The following BEND4 variants were observed in gnomAD, a reference collection of about 807,000 sequenced individuals.
The protein encoded by BEND4 is BEN domain-containing protein 4.
In BEND4, 27 loss-of-function variants were observed where a neutral mutation model predicts 54.7. The ratio of observed to expected loss-of-function variants is 0.49; its 90% CI spans 0.36 to 0.68. The LOEUF (loss-of-function observed/expected upper bound fraction) is 0.68, where lower values mean the gene tolerates loss of function less well. BEND4 is among the 30% of genes least tolerant of loss of function. BEND4 has a pLI of 0.00. For missense variants in BEND4, 702 were observed against 697.2 expected, an observed-to-expected ratio of 1.01 and a Z score of -0.08; for synonymous variants, 327 against 299.5, an observed-to-expected ratio of 1.09 and a Z score of -0.95.
rs1295817757 is a variant in BEND4, at chr4:42,117,719, A to G, written c.1404T>C (p.His468=). 2 of 1,602,004 alleles carry G rather than the reference A, an allele frequency of 1.2e-6. No homozygotes were observed. The highest frequency in any genetic ancestry group is 1.3e-5 in the African/African-American group (1 of 74,708). Residue 468 remains histidine, a synonymous_variant, in exon 6 of 6, where the codon CAT becomes CAC. Transcript: ENST00000502486. ...VTCLREFIRM[H]CTSNPDWWMP... ...TCCACCAATCGGGGTTGGAGGTACA[A>G]TGCATCCTAATGAATTCTGCAGGAA...
intron 3 of BEND4, among the ~76,000 whole-genome samples, chr4:42,127,098 G>T (rs1347737986): frequency 6.6e-6 from 1 of 151,928 alleles, no homozygotes; most frequent in African/African-American, 2.4e-5. Context: ...TAGCAAACAG[G>T]AATTATCATT....
chr4:42,122,786 A>G (rs1370893093), intron 4 of BEND4, among the ~76,000 whole-genome samples: 1 of 152,230 alleles, frequency 6.6e-6, no homozygotes, highest in East Asian at 1.9e-4. Context: ...GAGTGAGCTT[A>G]CCTGGTAAGC....
At chr4:42,124,007 G>A (rs1445455352) in intron 4 of BEND4, among the ~76,000 whole-genome samples, 4 of 152,182 alleles carry the variant, frequency 2.6e-5, no homozygotes, top group Non-Finnish European at 5.9e-5. Context: ...TGAAGCCACA[G>A]GGACTGATGC....
intron 4 of BEND4, 133 bp from the exon 5 acceptor site, chr4:42,120,427 C>T (rs1340661537): frequency 2.5e-5 from 28 of 1,123,704 alleles, no homozygotes; most frequent in Non-Finnish European, 3.3e-5. Context: ...TATTGAAGTG[C>T]GCAAATAATT....
rs77675895 is a variant in BEND4, at chr4:42,123,828, G to A, written c.1146+1755C>T. On this transcript the variant is annotated intron_variant, in intron 4 of 5. Coordinates refer to ENST00000502486, the MANE Select transcript of BEND4 (RefSeq NM_207406.4). ...CAACATGGCTGTAGAATTCTTAGAC[G>A]TAGGAAGTAAGGGGGTCAGTGATAT... 5.1e-4 allele frequency among the ~76,000 whole-genome samples: 77 copies of A among 152,128 alleles called. No individual in the cohort carries two copies. The East Asian group carries it at 0.013, about 26-fold the overall frequency.
intron 3 of BEND4, among the ~76,000 whole-genome samples, chr4:42,128,182 C>A (rs191382740): frequency 6.6e-6 from 1 of 152,058 alleles, no homozygotes; most frequent in African/African-American, 2.4e-5. Context: ...AACAAAAAGA[C>A]GCATATGAAA....
intron 2 of BEND4, among the ~76,000 whole-genome samples, chr4:42,145,061 T>A (rs2153147474): frequency 6.6e-6 from 1 of 152,336 alleles, no homozygotes; most frequent in South Asian, 2.1e-4. Context: ...AGATTGTAGA[T>A]GCCTATAACT....
intron 4 of BEND4, among the ~76,000 whole-genome samples, chr4:42,124,416 A>G (rs1429918568): frequency 1.3e-5 from 2 of 152,250 alleles, no homozygotes. Context: ...AGAGTGAGAG[A>G]AAAAGACAAA....
intron 2 of BEND4, among the ~76,000 whole-genome samples, chr4:42,150,470 A>C (rs1433719997): frequency 2.0e-5 from 3 of 152,254 alleles, no homozygotes; most frequent in Non-Finnish European, 2.9e-5. Flanking sequence ...ATTGACAAAC[A>C]ACAGAATTAT....
At chr4:42,130,553 T>A (rs1409003877) in intron 3 of BEND4, among the ~76,000 whole-genome samples, 1 of 149,432 alleles carries the variant, frequency 6.7e-6, no homozygotes, top group African/African-American at 2.5e-5. Flanking sequence ...TATTAAAAAG[T>A]CAAGAAACAA....
intron 3 of BEND4, among the ~76,000 whole-genome samples, chr4:42,133,336 A>G (rs1720572945): frequency 6.6e-6 from 1 of 152,226 alleles, no homozygotes; most frequent in Non-Finnish European, 1.5e-5. Flanking sequence ...CAAGAAAACG[A>G]AAGCCCCCAG....
chr4:42,141,237 C>G (rs906628789), intron 3 of BEND4, among the ~76,000 whole-genome samples: 4 of 152,232 alleles, frequency 2.6e-5, no homozygotes, highest in Non-Finnish European at 4.4e-5. Context: ...CTCCCCTCCA[C>G]AGGACAATTG....
At chr4:42,142,464 A>T (rs868492626) in intron 3 of BEND4, among the ~76,000 whole-genome samples, 30 of 121,236 alleles carry the variant, frequency 2.5e-4, no homozygotes, top group Admixed American at 3.8e-4. Context: ...TACTAAAAAA[A>T]ATATATATAT....
At chr4:42,144,097 A>G in intron 2 of BEND4, 103 bp from the exon 3 acceptor site, 1 of 826,916 alleles carries the variant, frequency 1.2e-6, no homozygotes, top group Non-Finnish European at 2.0e-6. Context: ...AAAAATATGT[A>G]TTTCTACTGT....
Position 42,151,660 on chromosome 4 carries a change from C to T in BEND4, c.484G>A (p.Ala162Thr). ...AAGTTGTGCGGAGAGTTGGTACCTG[C>T]GCTGAGCTCCAGGCTGGCGCTGTCG... ...GSDSASLELS[A>T]ESRMILDAFA... is the part of the protein sequence containing the mutation. Residue 162 changes from alanine (A) to threonine (T), a missense_variant, in exon 2 of 6, where the codon GCA becomes ACA. By Grantham distance (58) the Ala-to-Thr change is moderately conservative. Coordinates refer to ENST00000502486, the MANE Select transcript of BEND4 (RefSeq NM_207406.4). The T allele has an allele frequency of 6.7e-7, 1 of 1,483,288 alleles. No homozygotes were observed. Among genetic ancestry groups the T allele is most frequent in the Non-Finnish European group, 8.9e-7 (1 of 1,120,214 alleles). 91.9% of individuals were successfully genotyped at this position (1,483,288 alleles called of 1,614,324 possible). A position where few individuals can be genotyped will look rare whatever the true frequency, so the allele number is the denominator to read the frequency against.
chr4:42,124,996 G>A (rs1390646817), intron 4 of BEND4, among the ~76,000 whole-genome samples: 2 of 152,140 alleles, frequency 1.3e-5, no homozygotes, highest in Admixed American at 6.5e-5. Flanking sequence ...GATTCTCATG[G>A]GGATTGTCCA....
Position 42,151,642 on chromosome 4 carries a change from G to T in BEND4, c.487+15C>A, listed in dbSNP as rs1309624470. 1 of 1,453,824 alleles carries T rather than the reference G, an allele frequency of 6.9e-7. No individual in the cohort carries two copies. 90.1% of individuals were successfully genotyped at this position (1,453,824 alleles called of 1,614,324 possible). A position where few individuals can be genotyped will look rare whatever the true frequency, so the allele number is the denominator to read the frequency against. On this transcript the variant is annotated intron_variant, in intron 2 of 5. Transcript: ENST00000502486. ...CGGCCGTGGCGGGAAGGAAAGTTGT[G>T]CGGAGAGTTGGTACCTGCGCTGAGC...
rs572386922 is a variant in BEND4, at chr4:42,135,873, T to C, written c.1054+7555A>G. Among the ~76,000 whole-genome samples, 6 of 152,280 alleles carry C rather than the reference T, an allele frequency of 3.9e-5. No homozygotes were observed. In the South Asian group the frequency reaches 6.2e-4, roughly 16 times the overall value. ...ACAGATTTGGCATGATTAAAGCGAT[T>C]TGGCAAAACAATCACAGATACCAAG... On this transcript the variant is annotated intron_variant, in intron 3 of 5. Coordinates refer to ENST00000502486, the MANE Select transcript of BEND4 (RefSeq NM_207406.4).
At chr4:42,144,061 T>C in intron 2 of BEND4, 67 bp from the exon 3 acceptor site, 1 of 1,121,866 alleles carries the variant, frequency 8.9e-7, no homozygotes, top group East Asian at 2.5e-5. Flanking sequence ...AAGTCCTCAA[T>C]TTTCAGCTTA....
Sources: gnomAD v4.1 joint callset for allele counts (sites outside exome capture counted in the v4.1 genomes callset) on GRCh38, gnomAD v4.1.1 for gene constraint, MANE v1.5 for transcripts, NCBI Gene and HGNC (gene_info 2026-07-23, HGNC 2026-07-21) for gene names.